Variants in ADGRG7 observed in about 807,000 individuals in gnomAD.
ADGRG7 encodes the protein adhesion G protein-coupled receptor G7.
A neutral mutation model predicts 88.6 loss-of-function variants in ADGRG7; 82 were observed. The ratio of observed to expected loss-of-function variants is 0.93; its 90% CI spans 0.77 to 1.11. ADGRG7 has a LOEUF of 1.11. ADGRG7 is among the 50% of genes most tolerant of loss of function. The pLI, the probability that ADGRG7 is intolerant of heterozygous loss-of-function variation, is 0.00. For missense variants in ADGRG7, 945 were observed against 953.4 expected, an observed-to-expected ratio of 0.99 and a Z score of 0.12; for synonymous variants, 381 against 345.2, an observed-to-expected ratio of 1.10 and a Z score of -1.15.
At chr3:100,659,018 C>T (rs1050860568) in intron 13 of ADGRG7, among the ~76,000 whole-genome samples, 1 of 152,104 alleles carries the variant, frequency 6.6e-6, no homozygotes, top group African/African-American at 2.4e-5. Context: ...AAAAACGCCA[C>T]TACAACCACC....
At chr3:100,646,886 G>A (rs1402153509) in intron 10 of ADGRG7, among the ~76,000 whole-genome samples, 162 bp downstream of exon 10, 5 of 152,174 alleles carry the variant, frequency 3.3e-5, no homozygotes, top group African/African-American at 9.7e-5. Flanking sequence ...AAGGCCGGGC[G>A]CGGTGGCTCA....
At chr3:100,622,002 T>G (rs1236420522) in intron 1 of ADGRG7, among the ~76,000 whole-genome samples, 1 of 152,180 alleles carries the variant, frequency 6.6e-6, no homozygotes, top group Non-Finnish European at 1.5e-5. Context: ...AACCTACATC[T>G]CTTGCATGCA....
intron 8 of ADGRG7, among the ~76,000 whole-genome samples, chr3:100,645,502 T>A (rs1287716723): frequency 6.6e-6 from 1 of 152,252 alleles, no homozygotes; most frequent in Non-Finnish European, 1.5e-5. Context: ...ACCGACCTCA[T>A]CTGGGCTTAG....
chr3:100,610,006 G>A (rs1347653556), intron 1 of ADGRG7, 35 bp downstream of exon 1: 2 of 1,545,018 alleles, frequency 1.3e-6, no homozygotes, highest in Admixed American at 1.7e-5. Context: ...CTCAGAGTAA[G>A]AGAAGGTATG....
chr3:100,620,104 A>C (rs1707286593), intron 1 of ADGRG7, among the ~76,000 whole-genome samples: 1 of 152,210 alleles, frequency 6.6e-6, no homozygotes, highest in Non-Finnish European at 1.5e-5. Context: ...AGACACAACA[A>C]AAAAAGAGAA....
chr3:100,685,375 A>T (rs1050925294), intron 15 of ADGRG7, among the ~76,000 whole-genome samples: 25 of 151,794 alleles, frequency 1.6e-4, no homozygotes, highest in African/African-American at 3.4e-4. Context: ...CTTTTTTTTT[A>T]AATTTTATTA....
Position 100,609,977 on chromosome 3 carries a change from G to A in ADGRG7, c.115+6G>A. ...TGTGATCAGGATCCAAAGAGGTAAT[G>A]TTGTCCTGCTATGTTTAACTCAGAG... On this transcript the variant is annotated splice_donor_region_variant and intron_variant, in intron 1 of 15. Coordinates refer to ENST00000273352, the MANE Select transcript of ADGRG7 (RefSeq NM_032787.3). 1 of 1,604,176 alleles carries A rather than the reference G, an allele frequency of 6.2e-7. No individual in the cohort carries two copies. The highest frequency in any genetic ancestry group is 8.5e-7 in the Non-Finnish European group (1 of 1,171,366).
chr3:100,635,089 A>C (rs111528085), intron 4 of ADGRG7, among the ~76,000 whole-genome samples: 2 of 151,974 alleles, frequency 1.3e-5, no homozygotes, highest in African/African-American at 4.8e-5. Flanking sequence ...ATGGATTGGC[A>C]TGTTTTAGCC....
intron 1 of ADGRG7, among the ~76,000 whole-genome samples, chr3:100,626,683 G>T (rs888354220): frequency 6.6e-6 from 1 of 152,154 alleles, no homozygotes; most frequent in African/African-American, 2.4e-5. Context: ...TACTCGGGAG[G>T]CTGAGGTAGA....
At chr3:100,657,461 T>C (rs990308993) in intron 13 of ADGRG7, among the ~76,000 whole-genome samples, 5 of 152,186 alleles carry the variant, frequency 3.3e-5, no homozygotes, top group African/African-American at 7.2e-5. Context: ...ACAGGGTGAA[T>C]GTAGGGCAGG....
intron 15 of ADGRG7, among the ~76,000 whole-genome samples, chr3:100,676,846 T>A (rs998881241): frequency 6.6e-6 from 1 of 152,100 alleles, no homozygotes; most frequent in Non-Finnish European, 1.5e-5. Context: ...CTTTTTATCA[T>A]TGTATAGTGA....
At chr3:100,619,706 T>C (rs979107415) in intron 1 of ADGRG7, among the ~76,000 whole-genome samples, 2 of 151,754 alleles carry the variant, frequency 1.3e-5, no homozygotes, top group African/African-American at 4.8e-5. Flanking sequence ...ATAGATGCAA[T>C]AAAAAATGAT....
chr3:100,653,822 C>CT lies in ADGRG7; in HGVS notation c.1380-1008dup, dbSNP rs200101027. On this transcript the variant is annotated intron_variant, in intron 11 of 15. Coordinates refer to ENST00000273352, the MANE Select transcript of ADGRG7 (RefSeq NM_032787.3). ...TTTTTTTTTCAGCGAGGTGGCTGGGCTTTTTACACAGTGGCTCAGAACTCC... is the reference window on the plus strand; with the variant it reads ...TTTTTTTTTCAGCGAGGTGGCTGGGCTTTTTTACACAGTGGCTCAGAACTCC... 3.2e-3 allele frequency among the ~76,000 whole-genome samples: 479 copies of CT among 151,614 alleles called. 6 individuals are homozygous for CT. The highest frequency in any genetic ancestry group is 0.011 in the African/African-American group (446 of 41,314).
At chr3:100,618,180 G>C (rs563388084) in intron 1 of ADGRG7, among the ~76,000 whole-genome samples, 22 of 152,270 alleles carry the variant, frequency 1.4e-4, no homozygotes, top group East Asian at 3.9e-4. Context: ...TGTTCACTCT[G>C]ATGGTAGTTT....
At chr3:100,623,463 T>C (rs1300621880) in intron 1 of ADGRG7, among the ~76,000 whole-genome samples, 4 of 152,216 alleles carry the variant, frequency 2.6e-5, no homozygotes, top group Non-Finnish European at 4.4e-5. Flanking sequence ...CTGTCTTGAT[T>C]GCTATGGCTT....
intron 1 of ADGRG7, among the ~76,000 whole-genome samples, chr3:100,620,697 C>G (rs1392174615): frequency 6.6e-6 from 1 of 152,204 alleles, no homozygotes; most frequent in African/African-American, 2.4e-5. Flanking sequence ...CAGCTAAACA[C>G]TGGAGAATCT....
At chr3:100,671,592 G>A (rs1318898635) in intron 15 of ADGRG7, among the ~76,000 whole-genome samples, 1 of 152,158 alleles carries the variant, frequency 6.6e-6, no homozygotes, top group East Asian at 1.9e-4. Context: ...GGCTTTTGTT[G>A]CCATTGCTTT....
intron 5 of ADGRG7, among the ~76,000 whole-genome samples, chr3:100,636,213 C>G (rs1559675004): frequency 6.6e-6 from 1 of 152,122 alleles, no homozygotes; most frequent in African/African-American, 2.4e-5. Context: ...CAGGCACACA[C>G]CACCACACCT....
At position 100,609,691 on chromosome 3, in the gene ADGRG7, G is replaced by T. The variant is rs759382292; in HGVS notation, c.-166G>T. On this transcript the variant is annotated 5_prime_UTR_variant, in exon 1 of 16. Coordinates refer to ENST00000273352, the MANE Select transcript of ADGRG7 (RefSeq NM_032787.3). ...AGGAGATTCAAACTGCATCCTACTG[G>T]ATTAGCCTCAAAAGTCCTAAAATAC... 1.1e-5 allele frequency: 6 copies of T among 548,484 alleles called. No individual in the cohort carries two copies. The highest frequency in any genetic ancestry group is 2.0e-5 in the Non-Finnish European group (6 of 297,494). 34.0% of individuals were successfully genotyped at this position (548,484 alleles called of 1,614,324 possible).
Sources: gnomAD v4.1 joint callset for allele counts (sites outside exome capture counted in the v4.1 genomes callset) on GRCh38, gnomAD v4.1.1 for gene constraint, MANE v1.5 for transcripts, NCBI Gene and HGNC (gene_info 2026-07-23, HGNC 2026-07-21) for gene names.